The following RARB variants were observed in gnomAD, a reference collection of about 807,000 sequenced individuals.
RARB encodes the protein retinoic acid receptor beta.
RARB carries 17 observed loss-of-function variants against 51.9 expected under a neutral mutation model. The observed-to-expected ratio is 0.33, with a 90% CI of 0.22 to 0.49. The LOEUF (loss-of-function observed/expected upper bound fraction) is 0.49. RARB is among the 20% of genes least tolerant of loss of function. RARB has a pLI of 0.99. For missense variants in RARB, 369 were observed against 550.8 expected (o/e 0.67, Z 3.30); for synonymous variants, 215 against 195.4 (o/e 1.10, Z -0.84).
intron 2 of RARB, among the ~76,000 whole-genome samples, chr3:24,927,353 C>G (rs769954401): frequency 1.3e-5 from 2 of 151,918 alleles, no homozygotes; most frequent in Non-Finnish European, 2.9e-5. Flanking sequence ...TCCATTGTTT[C>G]TAAAAGGATA....
intron 1 of RARB, among the ~76,000 whole-genome samples, chr3:25,440,639 T>TA (rs1331180818): frequency 6.6e-6 from 1 of 151,628 alleles, no homozygotes; most frequent in Admixed American, 6.6e-5. Flanking sequence ...GGCGTGGTGG[T>TA]GCCCGCGCCT....
chr3:25,364,054 G>C (rs1490021167), intron 5 of RARB, among the ~76,000 whole-genome samples: 1 of 152,080 alleles, frequency 6.6e-6, no homozygotes, highest in Non-Finnish European at 1.5e-5. Context: ...TAGCATTTCT[G>C]ATTCTCCTTA....
At chr3:25,097,485 A>G (rs1699318070) in intron 3 of RARB, among the ~76,000 whole-genome samples, 1 of 152,170 alleles carries the variant, frequency 6.6e-6, no homozygotes, top group South Asian at 2.1e-4. Context: ...TCAATCAGAA[A>G]TACTTTCCAA....
At chr3:25,365,737 T>G (rs1398045174) in intron 5 of RARB, among the ~76,000 whole-genome samples, 1 of 152,218 alleles carries the variant, frequency 6.6e-6, no homozygotes, top group African/African-American at 2.4e-5. Flanking sequence ...ACTAAAAGCC[T>G]TACTCTCAAT....
intron 2 of RARB, among the ~76,000 whole-genome samples, chr3:25,465,019 TTAAGTA>T (rs1291953219): frequency 3.3e-5 from 5 of 152,202 alleles, no homozygotes; most frequent in African/African-American, 7.2e-5. Flanking sequence ...ATTATGGCCT[TTAAGTA>T]TATCTCTGAA....
Position 24,946,031 on chromosome 3 carries a change from C to T in RARB, c.-380+87279C>T, listed in dbSNP as rs137886915. 1.5e-3 allele frequency among the ~76,000 whole-genome samples: 234 copies of T among 151,904 alleles called. 2 individuals carry two copies. Among genetic ancestry groups the T allele is most frequent in the African/African-American group, 5.0e-3 (207 of 41,432 alleles). ...CTGTAATCGCAGCACTTTGGGAGGC[C>T]GAGGCAGGCAGATCACGAGGTCAGG... is the stretch of plus-strand genomic sequence containing the variant. On this transcript the variant is annotated intron_variant, in intron 2 of 11. Transcript: ENST00000383772.
At chr3:25,175,233 T>C (rs2125353697) in intron 5 of RARB, among the ~76,000 whole-genome samples, 1 of 152,294 alleles carries the variant, frequency 6.6e-6, no homozygotes, top group South Asian at 2.1e-4. Flanking sequence ...TATTGTGCAA[T>C]TTTTAGAAAG....
At chr3:24,985,873 G>GCAGTCC (rs1264532741) in intron 2 of RARB, among the ~76,000 whole-genome samples, 1 of 152,204 alleles carries the variant, frequency 6.6e-6, no homozygotes. Context: ...GTATCCTGCT[G>GCAGTCC]CAGTCCCAGT....
At chr3:24,835,213 C>G (rs1702329200) in intron 1 of RARB, among the ~76,000 whole-genome samples, 1 of 152,146 alleles carries the variant, frequency 6.6e-6, no homozygotes, top group African/African-American at 2.4e-5. Context: ...GAAGTTTAAA[C>G]TCTTGTCTCA....
chr3:25,402,711 C>T (rs1160709244), intron 5 of RARB, among the ~76,000 whole-genome samples: 1 of 152,038 alleles, frequency 6.6e-6, no homozygotes, highest in African/African-American at 2.4e-5. Context: ...CGCAGAAAGA[C>T]AAATGTCGCA....
chr3:24,870,590 A>T (rs1274517008), intron 2 of RARB, among the ~76,000 whole-genome samples: 1 of 152,150 alleles, frequency 6.6e-6, no homozygotes, highest in Non-Finnish European at 1.5e-5. Flanking sequence ...CAGAAACTTT[A>T]GAAACTAATT....
intron 1 of RARB, among the ~76,000 whole-genome samples, chr3:25,457,140 C>T (rs1694959819): frequency 6.6e-6 from 1 of 152,104 alleles, no homozygotes; most frequent in African/African-American, 2.4e-5. Flanking sequence ...CTCAGACATT[C>T]TGGCATAATA....
At chr3:25,062,841 A>G (rs1363878250) in intron 3 of RARB, among the ~76,000 whole-genome samples, 1 of 152,002 alleles carries the variant, frequency 6.6e-6, no homozygotes, top group Non-Finnish European at 1.5e-5. Flanking sequence ...ATCAAATTAG[A>G]CCATTGTGAC....
chr3:24,874,589 A>G (rs1270337445), intron 2 of RARB, among the ~76,000 whole-genome samples: 1 of 152,036 alleles, frequency 6.6e-6, no homozygotes, highest in Non-Finnish European at 1.5e-5. Flanking sequence ...TTATCATGAA[A>G]TCTATTAATA....
chr3:25,150,941 C>G (rs1289250309), intron 4 of RARB, among the ~76,000 whole-genome samples: 1 of 152,146 alleles, frequency 6.6e-6, no homozygotes, highest in African/African-American at 2.4e-5. Flanking sequence ...GCTCATAAGG[C>G]AGTTTATGTG....
At chr3:25,441,306 TC>T in intron 1 of RARB, 1 of 389,412 alleles carries the variant, frequency 2.6e-6, no homozygotes, top group South Asian at 2.2e-5. Context: ...TGTTTTAAAG[TC>T]CTGAGCAATT....
chr3:25,399,857 C>G (rs1394218645), intron 5 of RARB, among the ~76,000 whole-genome samples: 1 of 152,174 alleles, frequency 6.6e-6, no homozygotes, highest in Non-Finnish European at 1.5e-5. Context: ...CTCTGGGTCT[C>G]CCACCACGAA....
At chr3:25,262,427 A>C (rs1703022932) in intron 5 of RARB, among the ~76,000 whole-genome samples, 1 of 152,182 alleles carries the variant, frequency 6.6e-6, no homozygotes, top group Admixed American at 6.6e-5. Flanking sequence ...AATTTATTAC[A>C]GTTCTGCATG....
chr3:25,358,808 C>T (rs1469303238), intron 5 of RARB, among the ~76,000 whole-genome samples: 1 of 152,108 alleles, frequency 6.6e-6, no homozygotes, highest in Admixed American at 6.5e-5. Flanking sequence ...TTGAACCAGC[C>T]TTGCATCCCG....
Sources: allele counts gnomAD v4.1 joint callset (sites outside exome capture counted in the v4.1 genomes callset), GRCh38; gene constraint gnomAD v4.1.1; transcripts MANE v1.5; gene names NCBI Gene and HGNC (gene_info 2026-07-23, HGNC 2026-07-21).